The following ALK variants were observed in gnomAD, a reference collection of about 807,000 sequenced individuals.
The protein encoded by ALK is ALK tyrosine kinase receptor.
A neutral mutation model predicts 163.1 loss-of-function variants in ALK; 74 were observed. That is an observed-to-expected ratio of 0.45 (90% CI 0.38 to 0.55). ALK has a LOEUF of 0.55. Among genes scored for constraint, ALK ranks in the 20% least tolerant of loss-of-function variants. ALK has a pLI of 0.00. For synonymous variants in ALK, 960 were observed against 843.2 expected, an observed-to-expected ratio of 1.14 and a Z score of -2.40; for missense variants, 2,063 against 2,105.3, an observed-to-expected ratio of 0.98 and a Z score of 0.39.
intron 3 of ALK, among the ~76,000 whole-genome samples, chr2:29,680,683 CCAATAGTTGA>C (rs1351604163): frequency 5.3e-5 from 8 of 151,930 alleles, no homozygotes; most frequent in Non-Finnish European, 8.8e-5. Flanking sequence ...TTTTCTAAAT[CCAATAGTTGA>C]GGACATTCAG....
intron 1 of ALK, among the ~76,000 whole-genome samples, chr2:29,768,819 A>C (rs990640798): frequency 1.3e-5 from 2 of 150,858 alleles, no homozygotes; most frequent in African/African-American, 4.9e-5. Context: ...GTAACTTTAA[A>C]TTTTTTCTTT....
intron 4 of ALK, among the ~76,000 whole-genome samples, chr2:29,465,189 G>A (rs1463468593): frequency 6.6e-6 from 1 of 152,052 alleles, no homozygotes; most frequent in Non-Finnish European, 1.5e-5. Flanking sequence ...AACAAAAAGA[G>A]ATACAATATA....
rs748978993 is a variant in ALK, at chr2:29,920,427, G to A, written c.233C>T (p.Ser78Leu). The change falls in exon 1 of 29, where the codon TCG (serine) becomes TTG (leucine). Residue 78 changes from serine (S) to leucine (L), a missense_variant. This residue lies in a region of ALK where 987 missense variants were observed against 939.5 expected (regional missense o/e 1.05). Coordinates refer to ENST00000389048, the MANE Select transcript of ALK (RefSeq NM_004304.5). Reference sequence around the variant, plus strand: ...CTCGGGCCTGCCAGCCTTCAGCTCCGAGGAGGATGGTGGCAGCAGTAGGTC... The same window carrying A: ...CTCGGGCCTGCCAGCCTTCAGCTCCAAGGAGGATGGTGGCAGCAGTAGGTC... ...ARDLLLPPSS[S>L]ELKAGRPEAR... The A allele has an allele frequency of 6.2e-6, 10 of 1,603,658 alleles. No individual in the cohort carries two copies. The highest frequency in any genetic ancestry group is 8.5e-6 in the Non-Finnish European group (10 of 1,175,560).
At chr2:29,578,951 A>T (rs4665473) in intron 3 of ALK, among the ~76,000 whole-genome samples, 127,560 of 152,194 alleles carry the variant, frequency 0.84, 53,987 homozygotes, top group Non-Finnish European at 0.91. Context: ...CCAGGAAGCC[A>T]AGGCATGGAC....
chr2:29,740,879 G>A (rs1680039732), intron 1 of ALK, among the ~76,000 whole-genome samples: 1 of 152,144 alleles, frequency 6.6e-6, no homozygotes, highest in Non-Finnish European at 1.5e-5. Flanking sequence ...GTGGATGCCT[G>A]TAATCTCAGC....
At chr2:29,502,321 T>G (rs1672209754) in intron 4 of ALK, among the ~76,000 whole-genome samples, 1 of 152,202 alleles carries the variant, frequency 6.6e-6, no homozygotes, top group South Asian at 2.1e-4. Context: ...TAATGCATAG[T>G]TAAGATTTGC....
chr2:29,489,369 G>A (rs1392511099), intron 4 of ALK, among the ~76,000 whole-genome samples: 2 of 152,168 alleles, frequency 1.3e-5, no homozygotes, highest in Non-Finnish European at 2.9e-5. Flanking sequence ...GCAGTGGTGT[G>A]ATCACAGTGA....
In ALK at chr2:29,296,968, C is replaced by T. The variant is rs373833989; in HGVS notation, c.1737G>A (p.Arg579=). ...VENKTGKEQG[R]MVWHVAAYEG... ...CATAGGCGGCGACATGCCAGACCAT[C>T]CTGCCTTGCTCCTTCCCGGTTTTGT... The change falls in exon 9 of 29, where the codon AGG becomes AGA. Residue 579 remains arginine (R), a synonymous_variant. Coordinates refer to ENST00000389048, the MANE Select transcript of ALK (RefSeq NM_004304.5). 8 of 1,614,228 alleles carry T rather than the reference C, an allele frequency of 5.0e-6. No homozygotes were observed. The highest frequency in any genetic ancestry group is 6.8e-6 in the Non-Finnish European group (8 of 1,180,040).
chr2:29,435,557 C>A (rs1158612107), intron 4 of ALK, among the ~76,000 whole-genome samples: 1 of 151,632 alleles, frequency 6.6e-6, no homozygotes, highest in African/African-American at 2.4e-5. Flanking sequence ...CTCTCCCAAT[C>A]TTTTTCCTGA....
chr2:29,199,984 G>T (rs983577410), intron 26 of ALK, among the ~76,000 whole-genome samples: 1 of 152,192 alleles, frequency 6.6e-6, no homozygotes, highest in Non-Finnish European at 1.5e-5. Flanking sequence ...ATTGGGCAAA[G>T]ATATTTTCCC....
chr2:29,798,541 C>T lies in ALK; in HGVS notation c.668-80844G>A, dbSNP rs546633268. ...TTTCATCACAAAGTACAAAAACCCC[C>T]GCTCCTCGCATCCAGGTCTTTTCAG... On this transcript the variant is annotated intron_variant, in intron 1 of 28. Coordinates refer to ENST00000389048, the MANE Select transcript of ALK (RefSeq NM_004304.5). Among the ~76,000 whole-genome samples the T allele has an allele frequency of 4.6e-5, 7 of 152,318 alleles. No homozygotes were observed. The South Asian group carries it at 6.2e-4, about 14-fold the overall frequency.
intron 3 of ALK, among the ~76,000 whole-genome samples, chr2:29,638,645 A>C (rs1160665637): frequency 6.6e-6 from 1 of 152,066 alleles, no homozygotes; most frequent in African/African-American, 2.4e-5. Context: ...TCCCAGCTTC[A>C]CATGGAACAG....
chr2:29,777,416 G>A (rs1681206643), intron 1 of ALK, among the ~76,000 whole-genome samples: 1 of 152,058 alleles, frequency 6.6e-6, no homozygotes, highest in Non-Finnish European at 1.5e-5. Flanking sequence ...AGAAGTGAAT[G>A]TCAGAGAAGG....
intron 9 of ALK, among the ~76,000 whole-genome samples, chr2:29,292,131 T>G (rs750594036): frequency 5.9e-5 from 9 of 152,230 alleles, no homozygotes; most frequent in Non-Finnish European, 1.2e-4. Flanking sequence ...ATTTTTCTTG[T>G]TAGACTATGT....
intron 28 of ALK, among the ~76,000 whole-genome samples, 169 bp from the exon 29 acceptor site, chr2:29,194,091 T>C (rs1353448145): frequency 2.0e-5 from 3 of 152,110 alleles, no homozygotes; most frequent in African/African-American, 7.2e-5. Context: ...GAATGGGAAG[T>C]CATCCTTATC....
chr2:29,195,692 G>A (rs1402148153), intron 28 of ALK, among the ~76,000 whole-genome samples: 1 of 152,210 alleles, frequency 6.6e-6, no homozygotes, highest in Non-Finnish European at 1.5e-5. Flanking sequence ...CCAAGATGGC[G>A]CCACTGTGCT....
At chr2:29,318,283 T>C in intron 8 of ALK, 21 bp downstream of exon 8, 1 of 1,583,554 alleles carries the variant, frequency 6.3e-7, no homozygotes, top group South Asian at 1.1e-5. Context: ...ATTAGAGAAC[T>C]AGAGAAACAA....
intron 4 of ALK, among the ~76,000 whole-genome samples, chr2:29,487,292 G>A (rs890645374): frequency 2.6e-5 from 4 of 152,170 alleles, no homozygotes; most frequent in East Asian, 1.9e-4. Context: ...GCTGCAGAGA[G>A]GACAGCGATT....
rs1031569372 is a variant in ALK, at chr2:29,290,038, C to G, written c.1817+6850G>C. Among the ~76,000 whole-genome samples, 6 of 152,280 alleles carry G rather than the reference C, an allele frequency of 3.9e-5. No homozygotes were observed. The South Asian group carries it at 6.2e-4, about 16-fold the overall frequency. On this transcript the variant is annotated intron_variant, in intron 9 of 28. Transcript: ENST00000389048. The stretch of plus-strand genomic sequence containing the variant: ...TCTGGGTGTGCCCATCACCTGGCAC[C>G]CAACACTGCAGTAAATGTTGGTGGA...
Sources: allele counts gnomAD v4.1 joint callset (sites outside exome capture counted in the v4.1 genomes callset), GRCh38; gene constraint gnomAD v4.1.1; regional missense constraint gnomAD v4.1.1; transcripts MANE v1.5; gene names NCBI Gene and HGNC (gene_info 2026-07-23, HGNC 2026-07-21).